The following ANKRD50 variants were observed in gnomAD, a reference collection of about 807,000 sequenced individuals.
ANKRD50 encodes ankyrin repeat domain-containing protein 50.
Under a neutral mutation model 112.0 loss-of-function variants are expected in ANKRD50, and 40 were observed. The observed-to-expected ratio is 0.36, with a 90% CI of 0.28 to 0.46. ANKRD50 has a LOEUF of 0.46. Among genes scored for constraint, ANKRD50 ranks in the 20% least tolerant of loss-of-function variants. The probability of loss-of-function intolerance (pLI) is 1.00; values close to 1 mark genes in which losing one functional copy is unlikely to be tolerated. For missense variants in ANKRD50, 1,487 were observed against 1,701.7 expected, an observed-to-expected ratio of 0.87 and a Z score of 2.22; for synonymous variants, 613 against 619.1, an observed-to-expected ratio of 0.99 and a Z score of 0.15.
rs1448667981 is a variant in ANKRD50 at position 124,670,624 on chromosome 4, T to C, written c.2653A>G (p.Ile885Val). 2.5e-6 allele frequency: 4 copies of C among 1,613,550 alleles called. No individual in the cohort carries two copies. The highest frequency in any genetic ancestry group is 3.4e-6 in the Non-Finnish European group (4 of 1,179,796). The change falls in exon 4 of 5, where the codon ATA becomes GTA. Residue 885 changes from isoleucine (I) to valine (V), a missense_variant. Physicochemically the swap from Ile to Val is conservative, Grantham distance 29. Around this residue, in one of 2 missense-constraint regions of ANKRD50, gnomAD observed 1,046 missense variants for 1,269.5 expected, o/e 0.82. Coordinates refer to ENST00000504087, the MANE Select transcript of ANKRD50 (RefSeq NM_020337.3). ...TAATGACCCTCTTGTGAAGCTAATATGAAAGGGATTCGTCCATCATTGTCA... is the reference window on the plus strand; with the variant it reads ...TAATGACCCTCTTGTGAAGCTAATACGAAAGGGATTCGTCCATCATTGTCA... ...EIDNDGRIPF[I>V]LASQEGHYDC... is the part of the protein sequence containing the mutation.
In ANKRD50 at chr4:124,669,530, T is replaced by TG. The variant is rs1730578848; in HGVS notation, c.3746dup (p.Ser1250LysfsTer2). ...CTTGACTCCACTCAAATTCACTACT[T>TG]GGTGAATTATGACTCTGTCCTAAGG... On this transcript the variant is annotated frameshift_variant, in exon 4 of 5. Coordinates refer to ENST00000504087, the MANE Select transcript of ANKRD50 (RefSeq NM_020337.3). LOFTEE classifies it high-confidence loss of function. 6.2e-7 allele frequency: 1 copy of TG among 1,612,860 alleles called. No individual in the cohort carries two copies. Among genetic ancestry groups the TG allele is most frequent in the Non-Finnish European group, 8.5e-7 (1 of 1,179,704 alleles).
chr4:124,699,360 C>A (rs1316372102), intron 2 of ANKRD50, among the ~76,000 whole-genome samples: 1 of 151,976 alleles, frequency 6.6e-6, no homozygotes, highest in Non-Finnish European at 1.5e-5. Flanking sequence ...ATTATTTCCC[C>A]AACAAATTGC....
At chr4:124,699,425 C>T in intron 2 of ANKRD50, among the ~76,000 whole-genome samples, 1 of 152,090 alleles carries the variant, frequency 6.6e-6, no homozygotes, top group East Asian at 1.9e-4. Flanking sequence ...CTTTGAATTC[C>T]TGTGACTTTG....
chr4:124,674,606 G>C (rs1249018069), intron 3 of ANKRD50, among the ~76,000 whole-genome samples: 1 of 151,882 alleles, frequency 6.6e-6, no homozygotes, highest in East Asian at 1.9e-4. Context: ...GTTTGACTTT[G>C]AAGTTTGCTC....
chr4:124,704,092 T>C lies in ANKRD50; in HGVS notation c.512+5908A>G, dbSNP rs373951621. Among the ~76,000 whole-genome samples the C allele has an allele frequency of 6.0e-5, 9 of 150,306 alleles. No individual in the cohort carries two copies. In the South Asian group the frequency reaches 1.7e-3, roughly 29 times the overall value. ...AAAGTAGAAAGGACATAGTTAAAAG[T>C]TGGAAACAATAGACCATTCAGTGAA... is the stretch of plus-strand genomic sequence containing the variant. On this transcript the variant is annotated intron_variant, in intron 2 of 4. Transcript: ENST00000504087.
At chr4:124,673,516 G>GGCAGCAGTT (rs147212548) in intron 3 of ANKRD50, among the ~76,000 whole-genome samples, 9,543 of 152,024 alleles carry the variant, frequency 0.063, 379 homozygotes, top group East Asian at 0.14. Flanking sequence ...CCATGGTGGT[G>GGCAGCAGTT]GCAGCAGTTG....
In ANKRD50 at chr4:124,665,341, AAC is replaced by A. The variant is rs1321754331; in HGVS notation, c.*2175_*2176del. The A allele has an allele frequency of 6.6e-6, 1 of 152,394 alleles. No homozygotes were observed. Among genetic ancestry groups the A allele is most frequent in the African/African-American group, 2.4e-5 (1 of 41,424 alleles). The allele number at this position is 152,394 out of a possible 1,614,324, so 9.4% of individuals were successfully genotyped here. On this transcript the variant is annotated 3_prime_UTR_variant, in exon 5 of 5. Coordinates refer to ENST00000504087, the MANE Select transcript of ANKRD50 (RefSeq NM_020337.3). ...CAAGTGTATATAGTATGGATATGAA[AAC>A]AGTTAGCTCTTTGAAAAACATAAAT... is the stretch of plus-strand genomic sequence containing the variant.
At chr4:124,678,977 T>G (rs1028731373) in intron 2 of ANKRD50, 72 bp from the exon 3 acceptor site, 5 of 1,094,652 alleles carry the variant, frequency 4.6e-6, no homozygotes, top group Non-Finnish European at 6.6e-6. Context: ...ATTCAAACAT[T>G]AGAGTATTAA....
intron 4 of ANKRD50, among the ~76,000 whole-genome samples, chr4:124,667,925 T>C (rs1347127817): frequency 6.6e-6 from 1 of 152,020 alleles, no homozygotes; most frequent in South Asian, 2.1e-4. Context: ...AATTTATCTA[T>C]AATAGTGTTT....
rs188136910 is a variant in ANKRD50, at chr4:124,707,300, T to C, written c.512+2700A>G. 5.2e-3 allele frequency among the ~76,000 whole-genome samples: 797 copies of C among 152,150 alleles called. 2 individuals carry two copies. Among genetic ancestry groups the C allele is most frequent in the Non-Finnish European group, 8.7e-3 (590 of 67,888 alleles). ...TATATCTATCCATGCCTAAATAAAATACGTTCCTATTAAAATTCTCTAAAG... is the reference window on the plus strand; with the variant it reads ...TATATCTATCCATGCCTAAATAAAACACGTTCCTATTAAAATTCTCTAAAG... On this transcript the variant is annotated intron_variant, in intron 2 of 4. Transcript: ENST00000504087.
At chr4:124,707,116 T>C (rs1725522871) in intron 2 of ANKRD50, among the ~76,000 whole-genome samples, 1 of 152,084 alleles carries the variant, frequency 6.6e-6, no homozygotes, top group South Asian at 2.1e-4. Context: ...GGATTTAGTT[T>C]TTGTCAAAAG....
intron 3 of ANKRD50, among the ~76,000 whole-genome samples, chr4:124,675,328 T>C (rs1020837617): frequency 6.6e-6 from 1 of 151,836 alleles, no homozygotes; most frequent in Non-Finnish European, 1.5e-5. Flanking sequence ...TATAAATTGA[T>C]GCTTACTGAA....
At chr4:124,711,645 C>T (rs960326435) in intron 1 of ANKRD50, among the ~76,000 whole-genome samples, 1 of 152,080 alleles carries the variant, frequency 6.6e-6, no homozygotes, top group Non-Finnish European at 1.5e-5. Context: ...GCTCTATTAA[C>T]TTACACAGTC....
chr4:124,704,390 G>T (rs942120698), intron 2 of ANKRD50, among the ~76,000 whole-genome samples: 4 of 152,174 alleles, frequency 2.6e-5, no homozygotes, highest in African/African-American at 9.7e-5. Flanking sequence ...TCGCCTCTTT[G>T]TTGAGTGCCA....
At chr4:124,695,381 C>A (rs1479852438) in intron 2 of ANKRD50, among the ~76,000 whole-genome samples, 1 of 152,100 alleles carries the variant, frequency 6.6e-6, no homozygotes, top group Non-Finnish European at 1.5e-5. Context: ...TTGGCTCACC[C>A]TCAGGGACTC....
At chr4:124,682,306 G>A (rs1482344422) in intron 2 of ANKRD50, among the ~76,000 whole-genome samples, 2 of 121,298 alleles carry the variant, frequency 1.6e-5, no homozygotes, top group African/African-American at 3.2e-5. Flanking sequence ...CTGGGCGACA[G>A]AGCAAGACTC....
Position 124,672,509 on chromosome 4 carries a change from G to A in ANKRD50, c.768C>T (p.Asp256=). 1.3e-6 allele frequency: 2 copies of A among 1,596,368 alleles called. No homozygotes were observed. Among genetic ancestry groups the A allele is most frequent in the East Asian group, 2.2e-5 (1 of 44,760 alleles). Residue 256 remains aspartate (D), a synonymous_variant, in exon 4 of 5, where the codon GAC becomes GAT. Transcript: ENST00000504087. ...FTGFRKISLD[D]LRKAYIVKDV... Reference sequence around the variant, plus strand: ...CCTTGACGATATATGCCTTCCGAAGGTCATCTAAACTTATTTTTCGAAAAC... The same window carrying A: ...CCTTGACGATATATGCCTTCCGAAGATCATCTAAACTTATTTTTCGAAAAC...
chr4:124,709,070 C>T (rs1725569664), intron 2 of ANKRD50, among the ~76,000 whole-genome samples: 1 of 151,066 alleles, frequency 6.6e-6, no homozygotes, highest in African/African-American at 2.4e-5. Context: ...GCCACACACA[C>T]ACACACACAC....
In ANKRD50 at chr4:124,709,857, A is replaced by G. The variant is rs1725588858; in HGVS notation, c.512+143T>C. ...TTACTTCCTTTGATATTCAAAGTAA[A>G]CAGGTATACTCATAACTTCAGATTA... On this transcript the variant is annotated intron_variant, in intron 2 of 4. Transcript: ENST00000504087. The G allele has an allele frequency of 1.5e-5, 16 of 1,088,856 alleles. 1 individual carries two copies. The South Asian group carries it at 2.8e-4, about 19-fold the overall frequency. 67.4% of individuals were successfully genotyped at this position (1,088,856 alleles called of 1,614,324 possible). A position where few individuals can be genotyped will look rare whatever the true frequency, so the allele number is the denominator to read the frequency against.
Sources: gnomAD v4.1 joint callset for allele counts (sites outside exome capture counted in the v4.1 genomes callset) on GRCh38, gnomAD v4.1.1 for gene constraint, gnomAD v4.1.1 regional missense constraint, MANE v1.5 for transcripts, NCBI Gene and HGNC (gene_info 2026-07-23, HGNC 2026-07-21) for gene names.